EXTL3: variants seen among roughly 807,000 people sequenced by gnomAD.
EXTL3 encodes exostosin like glycosyltransferase 3.
Under a neutral mutation model 69.3 loss-of-function variants are expected in EXTL3, and 27 were observed. The observed-to-expected ratio is 0.39, with a 90% CI of 0.29 to 0.54. The LOEUF is 0.54. Ranked by LOEUF, EXTL3 falls within the 20% of genes least tolerant of loss-of-function variation. The pLI, the probability that EXTL3 is intolerant of heterozygous loss-of-function variation, is 0.69. For missense variants in EXTL3, 1,003 were observed against 1,231.8 expected (o/e 0.81, Z 2.78); for synonymous variants, 511 against 499.4 (o/e 1.02, Z -0.31).
At chr8:28,611,348 T>C (rs961794521) in intron 2 of EXTL3, among the ~76,000 whole-genome samples, 3 of 151,912 alleles carry the variant, frequency 2.0e-5, no homozygotes, top group African/African-American at 7.3e-5. Flanking sequence ...AGCTCCTTGG[T>C]AGGCTGAGGT....
chr8:28,703,855 C>T (rs555720441), intron 1 of EXTL3, among the ~76,000 whole-genome samples: 1 of 152,286 alleles, frequency 6.6e-6, no homozygotes, highest in African/African-American at 2.4e-5. Flanking sequence ...ATTTTTGTTA[C>T]CCCTTCATTT....
At chr8:28,655,083 A>G (rs1205584191) in intron 1 of EXTL3, among the ~76,000 whole-genome samples, 1 of 152,196 alleles carries the variant, frequency 6.6e-6, no homozygotes, top group Non-Finnish European at 1.5e-5. Context: ...TGATATTAGC[A>G]GCATATATTG....
intron 1 of EXTL3, among the ~76,000 whole-genome samples, chr8:28,654,074 A>G (rs1187364419): frequency 2.0e-5 from 3 of 152,168 alleles, no homozygotes; most frequent in African/African-American, 7.2e-5. Context: ...GAAATGTTTT[A>G]TATTTTTTCA....
intron 1 of EXTL3, among the ~76,000 whole-genome samples, chr8:28,662,458 A>C (rs1256437296): frequency 6.6e-6 from 1 of 152,250 alleles, no homozygotes; most frequent in African/African-American, 2.4e-5. Flanking sequence ...ATTTCCAATG[A>C]ATAAGTCCTA....
chr8:28,619,436 C>A (rs1173428642), upstream of EXTL3, among the ~76,000 whole-genome samples: 1 of 151,894 alleles, frequency 6.6e-6, no homozygotes, highest in South Asian at 2.1e-4. Context: ...CTCTCTTTTG[C>A]GCTCCGAAAG....
chr8:28,735,216 G>A (rs1365323152), intron 4 of EXTL3, among the ~76,000 whole-genome samples: 2 of 152,152 alleles, frequency 1.3e-5, no homozygotes, highest in Admixed American at 6.5e-5. Flanking sequence ...GGGGGTGGGC[G>A]GTAGGGAGTG....
At chr8:28,639,376 G>A (rs1296953644) in intron 1 of EXTL3, among the ~76,000 whole-genome samples, 1 of 152,098 alleles carries the variant, frequency 6.6e-6, no homozygotes, top group African/African-American at 2.4e-5. Context: ...CCGACCTCCT[G>A]GGGGTTTCCT....
chr8:28,705,989 C>T (rs961047293), intron 1 of EXTL3, among the ~76,000 whole-genome samples: 3 of 152,164 alleles, frequency 2.0e-5, no homozygotes, highest in African/African-American at 7.2e-5. Context: ...GCATTTTAAA[C>T]ATGTTATACT....
chr8:28,686,633 C>A (rs240927), intron 1 of EXTL3, among the ~76,000 whole-genome samples: 1 of 151,916 alleles, frequency 6.6e-6, no homozygotes, highest in South Asian at 2.1e-4. Context: ...AAAAAGAAAA[C>A]GTTGAAGGTT....
upstream of EXTL3, chr8:28,701,422 C>T (rs945273962): frequency 2.0e-5 from 3 of 151,844 alleles, no homozygotes; most frequent in Admixed American, 2.0e-4. Context: ...GGGAAAGTGG[C>T]GAGCGCGCGC....
chr8:28,709,705 A>C (rs1800994556), intron 1 of EXTL3, among the ~76,000 whole-genome samples: 1 of 152,234 alleles, frequency 6.6e-6, no homozygotes, highest in South Asian at 2.1e-4. Context: ...AGAAAAGTCG[A>C]GTCTGTAGGA....
At chr8:28,672,411 C>G (rs982562829) in intron 1 of EXTL3, among the ~76,000 whole-genome samples, 2 of 97,080 alleles carry the variant, frequency 2.1e-5, no homozygotes, top group Admixed American at 3.3e-4. Flanking sequence ...GAGCGAGACT[C>G]CTTCTCGGGG....
At chr8:28,652,336 C>T (rs777889122) in intron 1 of EXTL3, among the ~76,000 whole-genome samples, 1 of 152,052 alleles carries the variant, frequency 6.6e-6, no homozygotes, top group African/African-American at 2.4e-5. Context: ...TTTCCACATC[C>T]TCTTCCACAT....
At chr8:28,629,643 G>A (rs1297906840) in intron 1 of EXTL3, among the ~76,000 whole-genome samples, 5 of 152,036 alleles carry the variant, frequency 3.3e-5, no homozygotes, top group Non-Finnish European at 5.9e-5. Context: ...GAAGGTGGGC[G>A]GTGCCAAATG....
intron 3 of EXTL3, among the ~76,000 whole-genome samples, chr8:28,719,901 T>A (rs570539973): frequency 3.3e-5 from 5 of 152,338 alleles, no homozygotes; most frequent in Admixed American, 1.3e-4. Context: ...AATCTTTTTT[T>A]AAAAACTCTG....
Position 28,743,129 on chromosome 8 carries a change from G to A in EXTL3, c.2465G>A (p.Arg822Gln), listed in dbSNP as rs1801814153. 2 of 1,614,020 alleles carry A rather than the reference G, an allele frequency of 1.2e-6. No individual in the cohort carries two copies. The highest frequency in any genetic ancestry group is 1.3e-5 in the African/African-American group (1 of 74,924). Residue 822 changes from arginine to glutamine, a missense_variant, in exon 6 of 7, where the codon CGG (arginine) becomes CAG (glutamine). Physicochemically the swap from Arg to Gln is conservative, Grantham distance 43. This residue lies in a region of EXTL3 where 261 missense variants were observed against 416.4 expected (regional missense o/e 0.63). Transcript: ENST00000220562. The part of the protein sequence containing the change: ...LYSYVMPQAI[R>Q]DMVDEYINCE... ...TCTTATGTGATGCCCCAGGCCATCC[G>A]GGACATGGTGGATGAATACATCAAC...
chr8:28,750,802 T>C lies in EXTL3; in HGVS notation c.2696T>C (p.Val899Ala), dbSNP rs1226149590. 6.2e-7 allele frequency: 1 copy of C among 1,613,872 alleles called. No homozygotes were observed. The highest frequency in any genetic ancestry group is 1.7e-5 in the Admixed American group (1 of 59,994). ...YMPLLYTQFR[V>A]DSVLFKTRLP... ...CCCCTCCTGTACACGCAGTTCAGGG[T>C]GGATTCTGTGCTCTTCAAGACACGC... The change falls in exon 7 of 7, where the codon GTG becomes GCG. Residue 899 changes from valine to alanine, a missense_variant. This residue lies in a region of EXTL3 where 261 missense variants were observed against 416.4 expected (regional missense o/e 0.63). Transcript: ENST00000220562. The surrounding 1 kb of genome is among the most constrained non-coding windows in gnomAD (Gnocchi z 5.2).
At chr8:28,683,829 C>T (rs1034497169) in intron 1 of EXTL3, among the ~76,000 whole-genome samples, 3 of 151,812 alleles carry the variant, frequency 2.0e-5, no homozygotes, top group African/African-American at 7.3e-5. Flanking sequence ...AAAATTATTG[C>T]TGTCTATAGT....
chr8:28,613,364 A>G (rs762527828), intron 2 of EXTL3, among the ~76,000 whole-genome samples: 2 of 150,920 alleles, frequency 1.3e-5, no homozygotes, highest in African/African-American at 2.4e-5. Flanking sequence ...TTGTATTTTT[A>G]GTAGAGACAG....
Sources: gnomAD v4.1 joint callset for allele counts (sites outside exome capture counted in the v4.1 genomes callset) on GRCh38, gnomAD v4.1.1 for gene constraint, gnomAD v4.1.1 regional missense constraint, Gnocchi (gnomAD v3.1) non-coding constraint, MANE v1.5 for transcripts, NCBI Gene and HGNC (gene_info 2026-07-23, HGNC 2026-07-21) for gene names.